AKAP13: variants seen among roughly 807,000 people sequenced by gnomAD.
The protein encoded by AKAP13 is A-kinase anchor protein 13.
In AKAP13, 80 loss-of-function variants were observed where a neutral mutation model predicts 264.5. The ratio of observed to expected loss-of-function variants is 0.30; its 90% confidence interval spans 0.25 to 0.36. The LOEUF (loss-of-function observed/expected upper bound fraction) is 0.36. Ranked by LOEUF, AKAP13 falls within the 10% of genes least tolerant of loss-of-function variation. The pLI, the probability that AKAP13 is intolerant of heterozygous loss-of-function variation, is 1.00. For missense variants in AKAP13, 3,712 were observed against 3,435.2 expected (o/e 1.08, Z -2.01); for synonymous variants, 1,380 against 1,250.2 (o/e 1.10, Z -2.19).
At chr15:85,674,319 C>A (rs74025655) in intron 14 of AKAP13, among the ~76,000 whole-genome samples, 31,570 of 152,052 alleles carry the variant, frequency 0.21, 3,589 homozygotes, top group African/African-American at 0.26. Flanking sequence ...AATTATGTAA[C>A]ATATTATATA....
intron 17 of AKAP13, among the ~76,000 whole-genome samples, chr15:85,701,880 T>C (rs375255757): frequency 2.6e-5 from 4 of 152,158 alleles, no homozygotes; most frequent in Admixed American, 6.6e-5. Context: ...AGAAGTAATG[T>C]AGAAATAGTC....
intron 2 of AKAP13, 81 bp downstream of exon 2, chr15:85,485,834 A>G (rs2075524208): frequency 1.5e-6 from 2 of 1,367,630 alleles, no homozygotes; most frequent in African/African-American, 1.4e-5. Context: ...CTCTCACATG[A>G]TAGATCCTCA....
At chr15:85,496,998 C>T (rs1241389839) in intron 2 of AKAP13, among the ~76,000 whole-genome samples, 1 of 152,088 alleles carries the variant, frequency 6.6e-6, no homozygotes, top group African/African-American at 2.4e-5. Context: ...TCTCATTTTT[C>T]CTTGGCATTT....
chr15:85,671,574 A>T (rs899910337), intron 14 of AKAP13, among the ~76,000 whole-genome samples: 2 of 151,138 alleles, frequency 1.3e-5, no homozygotes, highest in Non-Finnish European at 2.9e-5. Context: ...ACGGAGACTT[A>T]TTTTCAAAGA....
chr15:85,582,129 A>G, intron 7 of AKAP13, 22 bp downstream of exon 7: 1 of 1,552,706 alleles, frequency 6.4e-7, no homozygotes, highest in Non-Finnish European at 8.7e-7. Context: ...ATAATACAAA[A>G]TTAACAGTCT....
chr15:85,715,537 C>A (rs569331421), intron 19 of AKAP13, among the ~76,000 whole-genome samples: 2 of 151,930 alleles, frequency 1.3e-5, no homozygotes, highest in Admixed American at 6.6e-5. Context: ...TACAAACTTA[C>A]AGTTCCAGGG....
chr15:85,477,322 C>T (rs1413307708), intron 1 of AKAP13, among the ~76,000 whole-genome samples: 1 of 151,734 alleles, frequency 6.6e-6, no homozygotes, highest in Non-Finnish European at 1.5e-5. Flanking sequence ...GTGAGTCCTC[C>T]TTGGGGAAGA....
intron 8 of AKAP13, among the ~76,000 whole-genome samples, chr15:85,602,964 T>G (rs2080158534): frequency 6.6e-6 from 1 of 152,240 alleles, no homozygotes; most frequent in Non-Finnish European, 1.5e-5. Flanking sequence ...AGAAATGTCT[T>G]TAAGTATTTG....
chr15:85,501,704 G>A (rs186855080), intron 2 of AKAP13, among the ~76,000 whole-genome samples: 3 of 152,250 alleles, frequency 2.0e-5, no homozygotes, highest in African/African-American at 2.4e-5. Context: ...GAGAACTTTT[G>A]TCACTTGCTG....
intron 17 of AKAP13, chr15:85,702,453 C>T (rs1413011479): frequency 2.0e-5 from 3 of 152,262 alleles, no homozygotes; most frequent in South Asian, 2.1e-4. Context: ...CAGAATCTTT[C>T]GTCACTTCCC....
Position 85,581,872 on chromosome 15 carries a change from A to T in AKAP13, c.3804A>T (p.Ala1268=). 6.2e-7 allele frequency: 1 copy of T among 1,614,178 alleles called. No individual in the cohort carries two copies. Among genetic ancestry groups the T allele is most frequent in the Non-Finnish European group, 8.5e-7 (1 of 1,180,002 alleles). Residue 1268 remains alanine (A), a synonymous_variant, in exon 7 of 37, where the codon GCA becomes GCT. Transcript: ENST00000394518. ...TCGAACAAGTCAAGGCCGCTGGAGC[A>T]CTGCTTACTGAGGGGGAGGCCTGTC... is the stretch of plus-strand genomic sequence containing the variant. ...AVIEQVKAAG[A]LLTEGEACHM... is the part of the protein sequence containing the mutation.
chr15:85,516,658 C>T (rs1437485167), intron 2 of AKAP13, among the ~76,000 whole-genome samples: 8 of 152,110 alleles, frequency 5.3e-5, no homozygotes, highest in African/African-American at 1.9e-4. Flanking sequence ...CCCCTTTTCC[C>T]CTCTCCTTCC....
intron 8 of AKAP13, among the ~76,000 whole-genome samples, chr15:85,630,234 A>ACACACACAC (rs2081680818): frequency 8.4e-6 from 1 of 119,064 alleles, no homozygotes; most frequent in Non-Finnish European, 1.7e-5. Flanking sequence ...GGAAAATTGT[A>ACACACACAC]ACACACACAC....
At chr15:85,632,239 C>T (rs546702628) in intron 8 of AKAP13, among the ~76,000 whole-genome samples, 18 of 152,244 alleles carry the variant, frequency 1.2e-4, no homozygotes, top group South Asian at 1.0e-3. Flanking sequence ...ATCACCTTCT[C>T]GTTGGTTCTC....
intron 5 of AKAP13, among the ~76,000 whole-genome samples, chr15:85,559,650 C>T (rs940047383): frequency 6.8e-6 from 1 of 146,556 alleles, no homozygotes; most frequent in African/African-American, 2.5e-5. Flanking sequence ...AGATCCCTCA[C>T]ATACGCAGTT....
chr15:85,722,337 G>A lies in AKAP13; in HGVS notation c.6486G>A (p.Gln2162=). 1 of 1,610,640 alleles carries A rather than the reference G, an allele frequency of 6.2e-7. No homozygotes were observed. The highest frequency in any genetic ancestry group is 8.5e-7 in the Non-Finnish European group (1 of 1,178,386). ...CAGTTTTATTCCAAAGAATATTGCAGTGTACCAAAGGTAAGTCTCCTTTCT... is the reference window on the plus strand; with the variant it reads ...CAGTTTTATTCCAAAGAATATTGCAATGTACCAAAGGTAAGTCTCCTTTCT... The part of the protein sequence containing the change: ...KYPVLFQRIL[Q]CTKDNEVEQE... The change falls in exon 25 of 37, where the codon CAG becomes CAA. Residue 2162 remains glutamine, a synonymous_variant. Coordinates refer to ENST00000394518, the MANE Select transcript of AKAP13 (RefSeq NM_007200.5).
intron 2 of AKAP13, among the ~76,000 whole-genome samples, chr15:85,486,337 C>A (rs2075544066): frequency 6.6e-6 from 1 of 152,004 alleles, no homozygotes; most frequent in Non-Finnish European, 1.5e-5. Context: ...CCTAAAGTCA[C>A]AGAGATTTAT....
At chr15:85,431,569 A>G (rs986246677) in intron 1 of AKAP13, among the ~76,000 whole-genome samples, 4 of 152,186 alleles carry the variant, frequency 2.6e-5, no homozygotes, top group Non-Finnish European at 5.9e-5. Flanking sequence ...TGGAGAGTGG[A>G]TATAAAAGCT....
chr15:85,591,490 A>G (rs970935896), intron 8 of AKAP13, among the ~76,000 whole-genome samples: 1 of 152,166 alleles, frequency 6.6e-6, no homozygotes, highest in Non-Finnish European at 1.5e-5. Flanking sequence ...ACTAAATACC[A>G]CTAAGATGAT....
Sources: allele counts gnomAD v4.1 joint callset (sites outside exome capture counted in the v4.1 genomes callset), GRCh38; gene constraint gnomAD v4.1.1; transcripts MANE v1.5; gene names NCBI Gene and HGNC (gene_info 2026-07-23, HGNC 2026-07-21).